The following NOTCH2 variants were observed in gnomAD, a reference collection of about 807,000 sequenced individuals.
The protein encoded by NOTCH2 is notch receptor 2.
A neutral mutation model predicts 235.8 loss-of-function variants in NOTCH2; 29 were observed. The observed-to-expected ratio is 0.12, with a 90% confidence interval of 0.09 to 0.17. The LOEUF (loss-of-function observed/expected upper bound fraction) is 0.17, where lower values mean the gene tolerates loss of function less well. Among genes scored for constraint, NOTCH2 ranks in the 10% least tolerant of loss-of-function variants. The probability of loss-of-function intolerance (pLI) is 1.00; values close to 1 mark genes in which losing one functional copy is unlikely to be tolerated. For missense variants in NOTCH2, 2,285 were observed against 3,150.2 expected (o/e 0.73, Z 6.57); for synonymous variants, 1,086 against 1,141.5 (o/e 0.95, Z 0.98).
intron 2 of NOTCH2, among the ~76,000 whole-genome samples, chr1:120,014,448 T>G (rs587733679): frequency 1.0e-3 from 157 of 150,574 alleles, no homozygotes; most frequent in Non-Finnish European, 1.6e-3. Context: ...GAGGTCCACA[T>G]TTCCATTGTT....
At chr1:119,980,912 A>G (rs781829997) in intron 5 of NOTCH2, among the ~76,000 whole-genome samples, 95 of 151,974 alleles carry the variant, frequency 6.3e-4, no homozygotes, top group Non-Finnish European at 2.1e-4. Context: ...CCACCTCTCA[A>G]ACCTCCCCTT....
intron 5 of NOTCH2, among the ~76,000 whole-genome samples, chr1:119,975,905 G>A (rs1348311856): frequency 6.6e-6 from 1 of 152,108 alleles, no homozygotes; most frequent in African/African-American, 2.4e-5. Flanking sequence ...CAAGTGATGG[G>A]TAAAAAATAG....
intron 29 of NOTCH2, 76 bp from the exon 30 acceptor site, chr1:119,920,473 C>G: frequency 6.8e-7 from 1 of 1,461,206 alleles, no homozygotes; most frequent in Non-Finnish European, 9.6e-7. Context: ...TCCAGAGCCT[C>G]CACCACCGCT....
intron 5 of NOTCH2, among the ~76,000 whole-genome samples, chr1:119,986,031 T>C (rs985355914): frequency 7.2e-5 from 11 of 152,322 alleles, no homozygotes; most frequent in South Asian, 2.1e-4. Context: ...CTAAAGAGTA[T>C]TGTAAATAAT....
chr1:119,978,273 T>C (rs1553201202), intron 5 of NOTCH2, among the ~76,000 whole-genome samples: 3 of 152,118 alleles, frequency 2.0e-5, no homozygotes, highest in East Asian at 1.9e-4. Flanking sequence ...GGTTGAATTA[T>C]AAGAAATGCA....
intron 5 of NOTCH2, among the ~76,000 whole-genome samples, chr1:119,977,607 C>A (rs1651638386): frequency 6.6e-6 from 1 of 152,176 alleles, no homozygotes. Context: ...TCACTACTAA[C>A]CTCAGCAGTA....
intron 29 of NOTCH2, 24 bp from the exon 30 acceptor site, chr1:119,920,421 C>A: frequency 4.3e-6 from 7 of 1,613,828 alleles, no homozygotes; most frequent in Non-Finnish European, 5.9e-6. Context: ...ACAATGCTCC[C>A]TATCAATCTG....
intron 5 of NOTCH2, among the ~76,000 whole-genome samples, chr1:119,975,587 A>G (rs1317943256): frequency 6.6e-6 from 1 of 150,620 alleles, no homozygotes; most frequent in Non-Finnish European, 1.5e-5. Flanking sequence ...CGGAGGTGGC[A>G]GTGATCTGAG....
intron 5 of NOTCH2, among the ~76,000 whole-genome samples, chr1:119,979,671 T>C (rs1291238224): frequency 6.6e-6 from 1 of 152,198 alleles, no homozygotes; most frequent in Non-Finnish European, 1.5e-5. Context: ...ACAAAACAAG[T>C]AGCACATACA....
chr1:120,069,109 C>T (rs1553217745), intron 1 of NOTCH2: 5 of 1,521,294 alleles, frequency 3.3e-6, no homozygotes, highest in Non-Finnish European at 4.4e-6. Flanking sequence ...GTAAGGGGTC[C>T]CGGGCCGCGG....
At chr1:120,043,076 T>G (rs1213430932) in intron 1 of NOTCH2, among the ~76,000 whole-genome samples, 1 of 151,636 alleles carries the variant, frequency 6.6e-6, no homozygotes, top group Admixed American at 6.6e-5. Flanking sequence ...ATGAAGCTAA[T>G]AGGGCATCAT....
chr1:119,997,672 C>A (rs1259428909), intron 3 of NOTCH2, among the ~76,000 whole-genome samples: 1 of 151,912 alleles, frequency 6.6e-6, no homozygotes, highest in African/African-American at 2.4e-5. Context: ...ATATGCTGCT[C>A]CTGTTTGAAT....
chr1:120,003,260 AACTCAG>A, intron 3 of NOTCH2, among the ~76,000 whole-genome samples: 1 of 152,062 alleles, frequency 6.6e-6, no homozygotes, highest in East Asian at 1.9e-4. Flanking sequence ...TTGGTTTTGG[AACTCAG>A]ACTGGCTCTC....
intron 20 of NOTCH2, 100 bp downstream of exon 20, chr1:119,937,757 C>T: frequency 1.5e-6 from 2 of 1,355,128 alleles, no homozygotes; most frequent in Admixed American, 1.8e-5. Flanking sequence ...CTACTATCTG[C>T]CCTTCCCTCT....
chr1:119,970,060 A>G (rs1431894366), intron 5 of NOTCH2, among the ~76,000 whole-genome samples: 4 of 152,246 alleles, frequency 2.6e-5, no homozygotes, highest in African/African-American at 9.6e-5. Flanking sequence ...CAATGAACAT[A>G]TAAGTAAGAA....
chr1:120,023,596 T>C lies in NOTCH2; in HGVS notation c.155+6310A>G, dbSNP rs587609295. ...ATCTCCTTATTTAAAATTTTGATAA[T>C]TTTCAACTTATTTTGCATTAATTTT... On this transcript the variant is annotated intron_variant, in intron 2 of 33. Transcript: ENST00000256646. Among the ~76,000 whole-genome samples the C allele has an allele frequency of 4.0e-3, 500 of 123,958 alleles. 4 individuals are homozygous for C. The highest frequency in any genetic ancestry group is 0.021 in the African/African-American group (454 of 21,556). The allele number at this position is 123,958 out of a possible 152,430, so 81.3% of individuals were successfully genotyped here.
At chr1:119,922,546 T>C in intron 27 of NOTCH2, 90 bp downstream of exon 27, 1 of 1,606,106 alleles carries the variant, frequency 6.2e-7, no homozygotes, top group South Asian at 1.1e-5. Flanking sequence ...TCAACAGTCC[T>C]GAAAAAATAG....
chr1:119,934,996 C>G, intron 22 of NOTCH2: 1 of 638,754 alleles, frequency 1.6e-6, no homozygotes, highest in South Asian at 7.0e-5. Context: ...TAAGGTAGAA[C>G]CTTACACCAT....
chr1:119,945,012 T>A (rs1364489218), intron 17 of NOTCH2, among the ~76,000 whole-genome samples: 1 of 152,064 alleles, frequency 6.6e-6, no homozygotes, highest in Non-Finnish European at 1.5e-5. Context: ...TTGAAAAAAA[T>A]TGACCTTTTA....
Sources: gnomAD v4.1 joint callset for allele counts (sites outside exome capture counted in the v4.1 genomes callset) on GRCh38, gnomAD v4.1.1 for gene constraint, MANE v1.5 for transcripts, NCBI Gene and HGNC (gene_info 2026-07-23, HGNC 2026-07-21) for gene names.